PDE1C: variants seen among roughly 807,000 people sequenced by gnomAD.
PDE1C encodes dual specificity calcium/calmodulin-dependent 3',5'-cyclic nucleotide phosphodiesterase 1C.
In PDE1C, 62 loss-of-function variants were observed where a neutral mutation model predicts 93.1. The observed-to-expected ratio is 0.67, with a 90% CI of 0.54 to 0.82. The LOEUF is 0.82. PDE1C is among the 40% of genes least tolerant of loss of function. PDE1C has a pLI of 0.00. For synonymous variants in PDE1C, 325 were observed against 310.1 expected (o/e 1.05, Z -0.50); for missense variants, 742 against 884.6 (o/e 0.84, Z 2.04).
chr7:32,207,376 A>G (rs1271482327), intron 2 of PDE1C, among the ~76,000 whole-genome samples: 1 of 151,190 alleles, frequency 6.6e-6, no homozygotes, highest in East Asian at 1.9e-4. Flanking sequence ...AAAAAAACTT[A>G]TCATCCGAAT....
At chr7:32,329,747 T>C (rs1440270044) in intron 1 of PDE1C, among the ~76,000 whole-genome samples, 1 of 152,244 alleles carries the variant, frequency 6.6e-6, no homozygotes, top group African/African-American at 2.4e-5. Context: ...CCTTTATTTT[T>C]AGTGTTGGTC....
intron 2 of PDE1C, among the ~76,000 whole-genome samples, chr7:32,206,507 G>A: frequency 6.6e-6 from 1 of 152,146 alleles, no homozygotes; most frequent in South Asian, 2.1e-4. Flanking sequence ...GGACCCCACA[G>A]CCAGCTGACT....
At chr7:32,361,793 G>T (rs1316790635) in intron 1 of PDE1C, among the ~76,000 whole-genome samples, 1 of 152,094 alleles carries the variant, frequency 6.6e-6, no homozygotes, top group African/African-American at 2.4e-5. Context: ...TACCAATGCC[G>T]CTCTCCTCCC....
chr7:31,721,301 C>A, the PDE1C span, among the ~76,000 whole-genome samples: 1 of 152,198 alleles, frequency 6.6e-6, no homozygotes, highest in Non-Finnish European at 1.5e-5. Context: ...TTATTTGGAG[C>A]AGCACTGATA....
At chr7:31,892,529 G>C (rs11760642) in intron 2 of PDE1C, among the ~76,000 whole-genome samples, 31,447 of 152,154 alleles carry the variant, frequency 0.21, 4,017 homozygotes, top group Non-Finnish European at 0.29. Context: ...TCCTTTTTCA[G>C]TTCATTCTCA....
chr7:31,958,552 C>T (rs6462317), intron 2 of PDE1C, among the ~76,000 whole-genome samples: 152,321 of 152,342 alleles, frequency 1, 76,150 homozygotes, highest in Non-Finnish European at 1. Context: ...ATCAAGCATA[C>T]CTAAAAACTG....
the PDE1C span, among the ~76,000 whole-genome samples, chr7:31,705,161 T>C: frequency 6.6e-6 from 1 of 152,240 alleles, no homozygotes; most frequent in African/African-American, 2.4e-5. Flanking sequence ...CTGGCTGTGA[T>C]GATTTAACAG....
chr7:31,849,714 C>G (rs1003078255), intron 8 of PDE1C, among the ~76,000 whole-genome samples: 2 of 152,102 alleles, frequency 1.3e-5, no homozygotes, highest in Admixed American at 6.6e-5. Context: ...TACATTCTTT[C>G]TCTTTGACTT....
chr7:32,162,742 A>T (rs774356322), intron 3 of PDE1C, among the ~76,000 whole-genome samples: 53 of 152,120 alleles, frequency 3.5e-4, no homozygotes, highest in Non-Finnish European at 5.9e-5. Context: ...TCACAGGGAT[A>T]AATTTCCCCA....
intron 1 of PDE1C, among the ~76,000 whole-genome samples, chr7:32,246,493 G>A (rs996238145): frequency 7.4e-6 from 1 of 134,572 alleles, no homozygotes; most frequent in African/African-American, 2.9e-5. Context: ...CTAGCTACTG[G>A]CCATGGCTGG....
At chr7:31,666,120 G>C in the PDE1C span, among the ~76,000 whole-genome samples, 1 of 152,198 alleles carries the variant, frequency 6.6e-6, no homozygotes, top group Non-Finnish European at 1.5e-5. Flanking sequence ...TGCTTGACTT[G>C]CTATTGGTTA....
At chr7:31,955,038 G>A (rs1361825138) in intron 2 of PDE1C, among the ~76,000 whole-genome samples, 1 of 152,150 alleles carries the variant, frequency 6.6e-6, no homozygotes, top group Non-Finnish European at 1.5e-5. Flanking sequence ...TTTTCGCTCA[G>A]TCCCAAACAA....
chr7:32,131,004 T>C (rs1799887837), intron 3 of PDE1C, among the ~76,000 whole-genome samples: 1 of 152,110 alleles, frequency 6.6e-6, no homozygotes, highest in Non-Finnish European at 1.5e-5. Context: ...TCCCTTCAAG[T>C]TAAGGAGGTC....
At chr7:31,985,417 ATTAT>A (rs1053018088) in intron 2 of PDE1C, among the ~76,000 whole-genome samples, 24 of 152,124 alleles carry the variant, frequency 1.6e-4, no homozygotes, top group African/African-American at 4.3e-4. Flanking sequence ...TACGTTTTTT[ATTAT>A]TTATTTATTT....
At chr7:32,298,633 G>C (rs537591337) in intron 1 of PDE1C, 1 of 1,594,250 alleles carries the variant, frequency 6.3e-7, no homozygotes, top group Non-Finnish European at 8.5e-7. Context: ...GAGTCCGAGA[G>C]GGGTGGAAAG....
At chr7:32,326,104 A>G (rs913621550) in intron 1 of PDE1C, among the ~76,000 whole-genome samples, 2 of 152,210 alleles carry the variant, frequency 1.3e-5, no homozygotes, top group Non-Finnish European at 2.9e-5. Context: ...GGCCTGAGAA[A>G]GAAGGATGGA....
intron 16 of PDE1C, among the ~76,000 whole-genome samples, chr7:31,807,890 C>A (rs962184689): frequency 9.2e-5 from 14 of 151,508 alleles, no homozygotes; most frequent in Non-Finnish European, 1.8e-4. Context: ...GAAGGGTACA[C>A]TCATTAGGTA....
chr7:31,652,899 A>C, the PDE1C span: 1 of 1,550,360 alleles, frequency 6.5e-7, no homozygotes, highest in Non-Finnish European at 8.7e-7. Flanking sequence ...GGAAATTTCA[A>C]TTTTCCCCAA....
chr7:31,641,578 T>C, the PDE1C span, among the ~76,000 whole-genome samples: 2 of 152,292 alleles, frequency 1.3e-5, no homozygotes, highest in South Asian at 2.1e-4. Flanking sequence ...AATCTACAGA[T>C]AGATTTAACA....
Sources: gnomAD v4.1 joint callset for allele counts (sites outside exome capture counted in the v4.1 genomes callset) on GRCh38, gnomAD v4.1.1 for gene constraint, MANE v1.5 for transcripts, NCBI Gene and HGNC (gene_info 2026-07-23, HGNC 2026-07-21) for gene names.